FOCAD: variants seen among roughly 807,000 people sequenced by gnomAD.
The protein encoded by FOCAD is focadhesin, also known as KIAA1797.
FOCAD carries 198 observed loss-of-function variants against 225.6 expected under a neutral mutation model. The ratio of observed to expected loss-of-function variants is 0.88; its 90% CI spans 0.78 to 0.99. FOCAD has a LOEUF of 0.99. Ranked by LOEUF, FOCAD falls within the 50% of genes least tolerant of loss-of-function variation. FOCAD has a pLI of 0.00. For missense variants in FOCAD, 2,713 were observed against 2,123.6 expected, an observed-to-expected ratio of 1.28 and a Z score of -5.46; for synonymous variants, 897 against 755.0, an observed-to-expected ratio of 1.19 and a Z score of -3.08.
At chr9:20,661,577 A>G (rs1821726024) in intron 2 of FOCAD, among the ~76,000 whole-genome samples, 1 of 152,238 alleles carries the variant, frequency 6.6e-6, no homozygotes, top group Non-Finnish European at 1.5e-5. Flanking sequence ...AGATATTCTC[A>G]GTGTCCTTCT....
At chr9:20,668,820 C>G (rs1821972562) in intron 2 of FOCAD, among the ~76,000 whole-genome samples, 3 of 152,180 alleles carry the variant, frequency 2.0e-5, no homozygotes, top group African/African-American at 7.2e-5. Flanking sequence ...TAACAACATT[C>G]TGGACGGAAA....
chr9:20,723,184 A>G (rs537955020), intron 4 of FOCAD, among the ~76,000 whole-genome samples: 1 of 152,296 alleles, frequency 6.6e-6, no homozygotes, highest in African/African-American at 2.4e-5. Context: ...GGTTATTTTT[A>G]AATTTAAAAA....
chr9:20,690,891 A>G (rs1822931598), intron 1 of FOCAD, among the ~76,000 whole-genome samples: 1 of 146,984 alleles, frequency 6.8e-6, no homozygotes, highest in Admixed American at 6.8e-5. Flanking sequence ...TTTACCTCTC[A>G]GTTGACCTGT....
intron 11 of FOCAD, among the ~76,000 whole-genome samples, chr9:20,805,820 T>C (rs1193802933): frequency 6.6e-6 from 1 of 152,164 alleles, no homozygotes; most frequent in Non-Finnish European, 1.5e-5. Context: ...ATATTTGAGC[T>C]TCACCTGGAA....
intron 32 of FOCAD, 82 bp downstream of exon 32, chr9:20,949,010 T>C (rs1837447623): frequency 7.7e-7 from 1 of 1,290,336 alleles, no homozygotes; most frequent in Non-Finnish European, 1.1e-6. Context: ...TGTTTTAGTA[T>C]GCTAAGAACA....
chr9:20,668,281 T>A (rs909560770), intron 2 of FOCAD, among the ~76,000 whole-genome samples: 1 of 152,148 alleles, frequency 6.6e-6, no homozygotes. Flanking sequence ...CTTTAATGAC[T>A]CCATTTTAAC....
chr9:20,808,078 T>C (rs1362318799), intron 11 of FOCAD, among the ~76,000 whole-genome samples: 1 of 151,910 alleles, frequency 6.6e-6, no homozygotes, highest in African/African-American at 2.4e-5. Flanking sequence ...GAAATACTCC[T>C]TATTGGTTTT....
chr9:20,977,054 G>A (rs1312341128), intron 36 of FOCAD, among the ~76,000 whole-genome samples: 1 of 152,102 alleles, frequency 6.6e-6, no homozygotes, highest in Non-Finnish European at 1.5e-5. Context: ...GAGGTTCTAG[G>A]GAGGAATTCA....
intron 15 of FOCAD, among the ~76,000 whole-genome samples, chr9:20,851,113 T>C (rs977716363): frequency 7.9e-5 from 12 of 151,550 alleles, no homozygotes; most frequent in African/African-American, 2.9e-4. Flanking sequence ...GTTTGTCTTG[T>C]CTATCTCTAG....
At chr9:20,682,831 C>T (rs1187900185), upstream of FOCAD, among the ~76,000 whole-genome samples, 2 of 152,136 alleles carry the variant, frequency 1.3e-5, no homozygotes, top group Non-Finnish European at 2.9e-5. Context: ...AGTGCAGTGG[C>T]GCCACCTCGG....
At chr9:20,858,731 T>A (rs558333779) in intron 15 of FOCAD, among the ~76,000 whole-genome samples, 1 of 152,276 alleles carries the variant, frequency 6.6e-6, no homozygotes, top group African/African-American at 2.4e-5. Context: ...ACTTTATTGG[T>A]ATCAACTTTC....
chr9:20,801,408 A>T (rs111678488), intron 11 of FOCAD, among the ~76,000 whole-genome samples: 1 of 152,134 alleles, frequency 6.6e-6, no homozygotes, highest in Admixed American at 6.5e-5. Flanking sequence ...TCTCGAAACC[A>T]TGATCTCAAG....
At chr9:20,810,520 G>A (rs557129116) in intron 11 of FOCAD, among the ~76,000 whole-genome samples, 1 of 152,066 alleles carries the variant, frequency 6.6e-6, no homozygotes, top group Non-Finnish European at 1.5e-5. Context: ...AGCTACTTTT[G>A]TCCAAGAAGG....
chr9:20,815,512 C>G (rs754812584), intron 11 of FOCAD, among the ~76,000 whole-genome samples: 9 of 151,566 alleles, frequency 5.9e-5, no homozygotes, highest in Non-Finnish European at 4.4e-5. Flanking sequence ...CAGTACCTAC[C>G]CACCCACCCC....
At chr9:20,886,212 G>T (rs1335438178) in intron 21 of FOCAD, among the ~76,000 whole-genome samples, 1 of 41,614 alleles carries the variant, frequency 2.4e-5, no homozygotes, top group East Asian at 4.7e-4. Flanking sequence ...ACTTGTTTCA[G>T]AAGCTTTTTT....
intron 5 of FOCAD, among the ~76,000 whole-genome samples, chr9:20,753,161 T>A (rs1263379037): frequency 6.6e-6 from 1 of 152,178 alleles, no homozygotes; most frequent in African/African-American, 2.4e-5. Flanking sequence ...TTCCTCCTCC[T>A]GCCTAATTGC....
At chr9:20,716,236 G>T (rs773775518) in intron 2 of FOCAD, 2 of 395,082 alleles carry the variant, frequency 5.1e-6, no homozygotes, top group South Asian at 2.1e-5. Context: ...TGAAGGCTTG[G>T]AGGATACTAT....
In FOCAD at chr9:20,819,822, G is replaced by A. The variant is rs761733200; in HGVS notation, c.1482G>A (p.Met494Ile). The A allele has an allele frequency of 2.0e-6, 3 of 1,533,610 alleles. No homozygotes were observed. Among genetic ancestry groups the A allele is most frequent in the South Asian group, 1.3e-5 (1 of 74,390 alleles). Residue 494 changes from methionine to isoleucine, a missense_variant, in exon 12 of 44, where the codon ATG becomes ATA. Transcript: ENST00000338382. ...TGCCAAATCTGATTCCAGTTTTGAT[G>A]TTCAAATTGGGAAGACCACTGGAAC... The part of the protein sequence containing the change: ...SQVPNLIPVL[M>I]FKLGRPLEPI...
At chr9:20,766,760 T>C (rs1324458356) in intron 7 of FOCAD, among the ~76,000 whole-genome samples, 1 of 152,120 alleles carries the variant, frequency 6.6e-6, no homozygotes, top group Non-Finnish European at 1.5e-5. Flanking sequence ...TTCTAGTTTA[T>C]TGTTGCTCAA....
Sources: gnomAD v4.1 joint callset for allele counts (sites outside exome capture counted in the v4.1 genomes callset) on GRCh38, gnomAD v4.1.1 for gene constraint, MANE v1.5 for transcripts, NCBI Gene and HGNC (gene_info 2026-07-23, HGNC 2026-07-21) for gene names.